NCL: variants seen among roughly 807,000 people sequenced by gnomAD.
NCL encodes nucleolin multifunctional protein.
Under a neutral mutation model 77.7 loss-of-function variants are expected in NCL, and 4 were observed. The ratio of observed to expected loss-of-function variants is 0.05; its 90% CI spans 0.03 to 0.12. The LOEUF (loss-of-function observed/expected upper bound fraction) is 0.12, where lower values mean the gene tolerates loss of function less well. NCL is among the 10% of genes least tolerant of loss of function. The probability of loss-of-function intolerance (pLI) is 1.00; values close to 1 mark genes in which losing one functional copy is unlikely to be tolerated. For synonymous variants in NCL, 344 were observed against 297.8 expected, an observed-to-expected ratio of 1.16 and a Z score of -1.60; for missense variants, 763 against 860.9, an observed-to-expected ratio of 0.89 and a Z score of 1.42.
Position 231,464,470 on chromosome 2 carries a change from C to A in NCL, c.-117G>T. 7.2e-7 allele frequency: 1 copy of A among 1,385,240 alleles called. No homozygotes were observed. Among genetic ancestry groups the A allele is most frequent in the Non-Finnish European group, 1.0e-6 (1 of 998,010 alleles). The allele number at this position is 1,385,240 out of a possible 1,614,324, so 85.8% of individuals were successfully genotyped here. ...CGGAGCACGTACACCCGAAGGCCAG[C>A]GAGAGCTCGAGACTGAGGCGAAAGA... On this transcript the variant is annotated 5_prime_UTR_variant, in exon 1 of 14. Coordinates refer to ENST00000322723, the MANE Select transcript of NCL (RefSeq NM_005381.3).
rs2046981410 is a variant in NCL, at chr2:231,464,428, G to A, written c.-75C>T. On this transcript the variant is annotated 5_prime_UTR_variant, in exon 1 of 14. Coordinates refer to ENST00000322723, the MANE Select transcript of NCL (RefSeq NM_005381.3). ...AAGCCAAGCGACGGCGATGGCGGCCGCGGGTGCTGAAGATCCCGGAGCACG... is the reference window on the plus strand; with the variant it reads ...AAGCCAAGCGACGGCGATGGCGGCCACGGGTGCTGAAGATCCCGGAGCACG... 4.5e-6 allele frequency: 7 copies of A among 1,554,096 alleles called. No homozygotes were observed. Among genetic ancestry groups the A allele is most frequent in the South Asian group, 1.2e-5 (1 of 85,280 alleles).
intron 12 of NCL, 133 bp downstream of exon 12, chr2:231,455,877 T>C (rs537965181): frequency 1.2e-5 from 17 of 1,412,654 alleles, no homozygotes; most frequent in Admixed American, 3.4e-5. Flanking sequence ...AATTCTCTCT[T>C]CTTCTCGTGC....
At chr2:231,457,398 A>G (rs1203851050) in intron 9 of NCL, 1 of 749,032 alleles carries the variant, frequency 1.3e-6, no homozygotes, top group East Asian at 2.7e-5. Context: ...TTAAAGTATA[A>G]AACATGCCTA....
rs2046953219 is a variant in NCL, at chr2:231,461,679, CTCCTCATCCTCCTCACTG to C, written c.456_473del (p.Asp152_Glu157del). 2.5e-6 allele frequency: 4 copies of C among 1,611,940 alleles called. No homozygotes were observed. The East Asian group carries it at 6.7e-5, about 27-fold the overall frequency. On this transcript the variant is annotated inframe_deletion, in exon 3 of 14. Transcript: ENST00000322723. Reference sequence around the variant, plus strand: ...CATCCTCATCCTCGTCCTCGTCATCCTCCTCATCCTCCTCACTGTCATCATCCTCCTCTTCATCACTGT... The same window carrying C: ...CATCCTCATCCTCGTCCTCGTCATCCTCATCATCCTCCTCTTCATCACTGT...
Position 231,461,764 on chromosome 2 carries a change from G to A in NCL, c.389C>T (p.Pro130Leu), listed in dbSNP as rs1409985119. 1 of 1,614,060 alleles carries A rather than the reference G, an allele frequency of 6.2e-7. No individual in the cohort carries two copies. The highest frequency in any genetic ancestry group is 8.5e-7 in the Non-Finnish European group (1 of 1,180,050). ...ATPGKKGAAI[P>L]AKGAKNGKNA... Reference sequence around the variant, plus strand: ...CTTGCCATTCTTTGCCCCCTTGGCTGGGATGGCAGCACCCTTCTTACCAGG... The same window carrying A: ...CTTGCCATTCTTTGCCCCCTTGGCTAGGATGGCAGCACCCTTCTTACCAGG... Residue 130 changes from proline (P) to leucine (L), a missense_variant, in exon 3 of 14, where the codon CCA becomes CTA. Physicochemically the swap from Pro to Leu is moderately conservative, Grantham distance 98 (BLOSUM62 -3). This residue lies in a region of NCL where 590 missense variants were observed against 570.5 expected (regional missense o/e 1.03). Transcript: ENST00000322723.
chr2:231,464,286 C>G, intron 1 of NCL, 50 bp downstream of exon 1: 3 of 1,554,392 alleles, frequency 1.9e-6, no homozygotes, highest in Non-Finnish European at 2.6e-6. Flanking sequence ...CCGCGCTCGC[C>G]CCTCGGAAAG....
intron 12 of NCL, 123 bp downstream of exon 12, chr2:231,455,887 C>T (rs771632006): frequency 4.2e-5 from 62 of 1,468,892 alleles, no homozygotes; most frequent in South Asian, 9.1e-5. Flanking sequence ...TCTTCTCGTG[C>T]GAATCCATAA....
At chr2:231,456,808 T>A in intron 10 of NCL, 44 bp from the exon 11 acceptor site, 1 of 1,609,922 alleles carries the variant, frequency 6.2e-7, no homozygotes, top group Non-Finnish European at 8.5e-7. Flanking sequence ...ACCAGGCACA[T>A]GCTCCTTCAC....
At chr2:231,456,549 G>GA in intron 11 of NCL, 82 bp downstream of exon 11, 1 of 1,584,580 alleles carries the variant, frequency 6.3e-7, no homozygotes, top group East Asian at 2.2e-5. Flanking sequence ...GTAGCAACAG[G>GA]AAACACAGAA....
Position 231,459,088 on chromosome 2 carries a change from G to A in NCL, c.1078C>T (p.Leu360=), listed in dbSNP as rs2046921542. The A allele has an allele frequency of 1.3e-6, 2 of 1,595,802 alleles. No homozygotes were observed. The highest frequency in any genetic ancestry group is 1.2e-5 in the South Asian group (1 of 86,804). The part of the protein sequence containing the change: ...GYVDFESAED[L]EKALELTGLK... The stretch of plus-strand genomic sequence containing the variant: ...CCAGTGAGTTCCAACGCTTTCTCCA[G>A]GTCTTCAGCAGATTCAAAATCCACA... The change falls in exon 7 of 14, where the codon CTG becomes TTG. Residue 360 remains leucine (L), a synonymous_variant. Transcript: ENST00000322723.
chr2:231,455,494 C>A lies in NCL; in HGVS notation c.1963G>T (p.Gly655Cys). ...AAGCCGCCTCTGCCTCCACCACGAC[C>A]CCCGAAGCCACCTTCACCCTTAGGT... is the stretch of plus-strand genomic sequence containing the variant. ...AKPKGEGGFG[G>C]RGGGRGGFGG... The change falls in exon 13 of 14, where the codon GGT (glycine) becomes TGT (cysteine). Residue 655 changes from glycine (G) to cysteine (C), a missense_variant. Gly to Cys is a radical substitution (Grantham distance 159). Coordinates refer to ENST00000322723, the MANE Select transcript of NCL (RefSeq NM_005381.3). 6.2e-7 allele frequency: 1 copy of A among 1,614,212 alleles called. No individual in the cohort carries two copies. Among genetic ancestry groups the A allele is most frequent in the Non-Finnish European group, 8.5e-7 (1 of 1,180,038 alleles).
Position 231,457,502 on chromosome 2 carries a change from G to A in NCL, c.1447+141C>T, listed in dbSNP as rs559924219. On this transcript the variant is annotated intron_variant, in intron 9 of 13. Coordinates refer to ENST00000322723, the MANE Select transcript of NCL (RefSeq NM_005381.3). ...AAATTACTATTCCAAATAAGAGTAT[G>A]ACTTGGGGTATCATGTCCTTGATCT... The A allele has an allele frequency of 4.6e-6, 4 of 871,306 alleles. No homozygotes were observed. The African/African-American group carries it at 5.1e-5, about 11-fold the overall frequency. 54.0% of individuals were successfully genotyped at this position (871,306 alleles called of 1,614,324 possible).
chr2:231,454,990 C>T lies in NCL; in HGVS notation c.*201G>A. 1 of 563,870 alleles carries T rather than the reference C, an allele frequency of 1.8e-6. No individual in the cohort carries two copies. Among genetic ancestry groups the T allele is most frequent in the Non-Finnish European group, 3.1e-6 (1 of 319,476 alleles). The allele number at this position is 563,870 out of a possible 1,614,324, so 34.9% of individuals were successfully genotyped here. A position where few individuals can be genotyped will look rare whatever the true frequency, so the allele number is the denominator to read the frequency against. On this transcript the variant is annotated 3_prime_UTR_variant, in exon 14 of 14. Transcript: ENST00000322723. ...TAAGGGTTAGCTCTATCACTCAACT[C>T]TTTAAAAAGTTTATATGAATATCCA...
chr2:231,461,506 C>G (rs768218467), intron 3 of NCL, 34 bp downstream of exon 3: 8 of 1,599,112 alleles, frequency 5.0e-6, no homozygotes, highest in African/African-American at 2.7e-5. Flanking sequence ...ACCTTGTAAT[C>G]AGAAGCCCAG....
At chr2:231,460,041 G>C (rs113653495) in intron 6 of NCL, 111 bp downstream of exon 6, 14 of 1,213,606 alleles carry the variant, frequency 1.2e-5, no homozygotes, top group Middle Eastern at 3.0e-4. Context: ...AATCCTTGAA[G>C]ATGTTTACAG....
Position 231,454,062 on chromosome 2 carries a change from CT to C in NCL, c.*1128del, listed in dbSNP as rs3832093. On this transcript the variant is annotated 3_prime_UTR_variant, in exon 14 of 14. Coordinates refer to ENST00000322723, the MANE Select transcript of NCL (RefSeq NM_005381.3). ...AATATACGTAGTGCAGAACAAATGG[CT>C]TTTTGGGGGTTTACTGGATGGGCAG... 38,358 of 152,118 alleles carry C rather than the reference CT, an allele frequency of 0.25. 5,052 individuals are homozygous for C. Among genetic ancestry groups the C allele is most frequent in the Middle Eastern group, 0.31 (90 of 294 alleles). 9.4% of individuals were successfully genotyped at this position (152,118 alleles called of 1,614,324 possible).
intron 8 of NCL, 24 bp downstream of exon 8, chr2:231,458,242 T>TA (rs773469676): frequency 2.5e-6 from 4 of 1,595,890 alleles, no homozygotes; most frequent in Non-Finnish European, 3.4e-6. Context: ...ATAAAACCCT[T>TA]ACATTTCAAT....
Position 231,464,361 on chromosome 2 carries a change from G to A in NCL, c.-8C>T, listed in dbSNP as rs561865395. On this transcript the variant is annotated 5_prime_UTR_variant, in exon 1 of 14. Coordinates refer to ENST00000322723, the MANE Select transcript of NCL (RefSeq NM_005381.3). ...CTTCGCGAGCTTCACCATGATGGCG[G>A]CGGAGTGTGAAGCGGACAAGTGGCG... 1 of 1,601,716 alleles carries A rather than the reference G, an allele frequency of 6.2e-7. No homozygotes were observed. The highest frequency in any genetic ancestry group is 8.5e-7 in the Non-Finnish European group (1 of 1,173,894).
At chr2:231,459,376 T>TA (rs2046924405) in intron 6 of NCL, among the ~76,000 whole-genome samples, 1 of 152,206 alleles carries the variant, frequency 6.6e-6, no homozygotes, top group Admixed American at 6.5e-5. Context: ...GAATTCACAG[T>TA]AGCAGCTGAC....
Sources: gnomAD v4.1 joint callset for allele counts (sites outside exome capture counted in the v4.1 genomes callset) on GRCh38, gnomAD v4.1.1 for gene constraint, gnomAD v4.1.1 regional missense constraint, MANE v1.5 for transcripts, NCBI Gene and HGNC (gene_info 2026-07-23, HGNC 2026-07-21) for gene names.